The following COLEC10 variants were observed in gnomAD, a reference collection of about 807,000 sequenced individuals.
COLEC10 encodes collectin-10.
A neutral mutation model predicts 28.4 loss-of-function variants in COLEC10; 22 were observed. The observed-to-expected ratio is 0.78, with a 90% CI of 0.55 to 1.11. The LOEUF (loss-of-function observed/expected upper bound fraction) is 1.11. Among genes scored for constraint, COLEC10 ranks in the 50% least tolerant of loss-of-function variants. COLEC10 has a pLI of 0.00. For synonymous variants in COLEC10, 125 were observed against 116.1 expected (o/e 1.08, Z -0.49); for missense variants, 361 against 344.1 (o/e 1.05, Z -0.39).
chr8:118,981,721 A>C, the COLEC10 span, among the ~76,000 whole-genome samples: 1 of 152,170 alleles, frequency 6.6e-6, no homozygotes, highest in African/African-American at 2.4e-5. Context: ...GGAATAGAGA[A>C]AACAAATTTT....
At chr8:119,021,950 T>G (rs1814106289) in intron 2 of COLEC10, among the ~76,000 whole-genome samples, 1 of 152,140 alleles carries the variant, frequency 6.6e-6, no homozygotes, top group Non-Finnish European at 1.5e-5. Context: ...AAAAGCCATC[T>G]CTACACTTGT....
chr8:119,041,610 T>C (rs1030909255), intron 2 of COLEC10, among the ~76,000 whole-genome samples: 7 of 152,200 alleles, frequency 4.6e-5, no homozygotes, highest in African/African-American at 1.7e-4. Context: ...TTGGGGTAAA[T>C]ACTTATGCCA....
the COLEC10 span, among the ~76,000 whole-genome samples, chr8:118,955,004 T>C: frequency 6.6e-6 from 1 of 152,210 alleles, no homozygotes; most frequent in Non-Finnish European, 1.5e-5. Flanking sequence ...CTACACTTCC[T>C]CACCTGAAAA....
upstream of COLEC10, among the ~76,000 whole-genome samples, chr8:118,992,099 G>A (rs1415488265): frequency 6.6e-6 from 1 of 152,050 alleles, no homozygotes; most frequent in East Asian, 1.9e-4. Context: ...TTTGTAAAAT[G>A]CAAATAGAAA....
intron 1 of COLEC10, among the ~76,000 whole-genome samples, chr8:119,008,885 T>A (rs904093893): frequency 1.3e-5 from 2 of 151,180 alleles, no homozygotes; most frequent in African/African-American, 4.9e-5. Context: ...AGGAAAACGT[T>A]ATCTAGCACA....
At chr8:118,993,902 A>T (rs958107071), upstream of COLEC10, among the ~76,000 whole-genome samples, 8 of 152,262 alleles carry the variant, frequency 5.3e-5, no homozygotes, top group African/African-American at 1.9e-4. Context: ...GTTAAAGATG[A>T]AGAATTCCTC....
At chr8:118,975,590 G>A in the COLEC10 span, among the ~76,000 whole-genome samples, 2,561 of 152,126 alleles carry the variant, frequency 0.017, 67 homozygotes, top group African/African-American at 0.059. Context: ...GGCATGGACA[G>A]ATCCTATAAC....
At chr8:119,034,340 G>A (rs527808145) in intron 2 of COLEC10, among the ~76,000 whole-genome samples, 4 of 149,232 alleles carry the variant, frequency 2.7e-5, no homozygotes, top group Admixed American at 6.7e-5. Context: ...GTATACCTAT[G>A]TAACAAACCA....
At chr8:119,046,894 T>C (rs1814596129) in intron 2 of COLEC10, among the ~76,000 whole-genome samples, 1 of 152,178 alleles carries the variant, frequency 6.6e-6, no homozygotes, top group African/African-American at 2.4e-5. Flanking sequence ...TACGGTCTCA[T>C]AGGCTAGTCG....
At chr8:119,070,301 C>T (rs1201473432) in intron 1 of COLEC10, among the ~76,000 whole-genome samples, 1 of 152,006 alleles carries the variant, frequency 6.6e-6, no homozygotes, top group African/African-American at 2.4e-5. Context: ...TTATCTTTTC[C>T]TTCTCTCCCT....
At chr8:119,075,779 C>T (rs909717942) in intron 1 of COLEC10, among the ~76,000 whole-genome samples, 2 of 152,090 alleles carry the variant, frequency 1.3e-5, no homozygotes, top group Non-Finnish European at 2.9e-5. Context: ...CTGTGCCCCC[C>T]ATTCTACCTC....
chr8:118,958,098 C>G, the COLEC10 span, among the ~76,000 whole-genome samples: 1 of 152,180 alleles, frequency 6.6e-6, no homozygotes, highest in Non-Finnish European at 1.5e-5. Flanking sequence ...ATAGCCCAGA[C>G]TACAGTGGGA....
At chr8:119,041,014 G>A (rs1244981274) in intron 2 of COLEC10, among the ~76,000 whole-genome samples, 2 of 152,246 alleles carry the variant, frequency 1.3e-5, no homozygotes, top group Non-Finnish European at 1.5e-5. Flanking sequence ...AATGCAGAGT[G>A]AGTCCCAATC....
intron 2 of COLEC10, among the ~76,000 whole-genome samples, chr8:119,042,171 T>C (rs923022320): frequency 1.3e-5 from 2 of 151,652 alleles, no homozygotes; most frequent in African/African-American, 4.8e-5. Flanking sequence ...CTAATTTTTG[T>C]ATTTTTAGTA....
At chr8:119,069,577 G>T (rs1410156940) in intron 1 of COLEC10, among the ~76,000 whole-genome samples, 2 of 116,670 alleles carry the variant, frequency 1.7e-5, no homozygotes, top group Non-Finnish European at 1.7e-5. Flanking sequence ...CTTCACTCCA[G>T]CCTGGACAAC....
chr8:119,072,544 A>C (rs1815145508), intron 1 of COLEC10, among the ~76,000 whole-genome samples: 1 of 152,198 alleles, frequency 6.6e-6, no homozygotes. Context: ...GAGCCAGAAG[A>C]GGAAATTAAA....
At chr8:119,022,782 G>T (rs966722209) in intron 2 of COLEC10, among the ~76,000 whole-genome samples, 1 of 152,028 alleles carries the variant, frequency 6.6e-6, no homozygotes, top group Non-Finnish European at 1.5e-5. Context: ...TAAAATGTAA[G>T]CCAGATCAGG....
chr8:119,033,667 T>C (rs2130133868), intron 2 of COLEC10, among the ~76,000 whole-genome samples: 1 of 152,042 alleles, frequency 6.6e-6, no homozygotes, highest in South Asian at 2.1e-4. Context: ...ATTAGAAAAA[T>C]ACAAAAGTAA....
chr8:119,032,169 C>T (rs1294572310), intron 2 of COLEC10, among the ~76,000 whole-genome samples: 1 of 152,184 alleles, frequency 6.6e-6, no homozygotes, highest in African/African-American at 2.4e-5. Flanking sequence ...CAGTCTTTTA[C>T]ACTCCTAACT....
Sources: gnomAD v4.1 joint callset for allele counts (sites outside exome capture counted in the v4.1 genomes callset) on GRCh38, gnomAD v4.1.1 for gene constraint, MANE v1.5 for transcripts, NCBI Gene and HGNC (gene_info 2026-07-23, HGNC 2026-07-21) for gene names.